The following PITRM1 variants were observed in gnomAD, a reference collection of about 807,000 sequenced individuals.
PITRM1 encodes the protein presequence protease, mitochondrial.
Under a neutral mutation model 129.9 loss-of-function variants are expected in PITRM1, and 100 were observed. The observed-to-expected ratio is 0.77, with a 90% CI of 0.65 to 0.91. The LOEUF is 0.91. PITRM1 is among the 40% of genes least tolerant of loss of function. The pLI is 0.00. For missense variants in PITRM1, 1,471 were observed against 1,318.3 expected, an observed-to-expected ratio of 1.12 and a Z score of -1.79; for synonymous variants, 591 against 508.8, an observed-to-expected ratio of 1.16 and a Z score of -2.17.
chr10:3,141,705 C>G (rs896697848), intron 23 of PITRM1: 1 of 468,410 alleles, frequency 2.1e-6, no homozygotes, highest in Admixed American at 2.4e-5. Context: ...TGAGATCAGC[C>G]CCAGGTCGCC....
In PITRM1 at chr10:3,157,081, C is replaced by T. The variant is rs114130274; in HGVS notation, c.1348-17G>A. 1.5e-3 allele frequency: 2,425 copies of T among 1,598,114 alleles called. 37 individuals are homozygous for T. The African/African-American group carries it at 0.029, about 19-fold the overall frequency. On this transcript the variant is annotated splice_polypyrimidine_tract_variant and intron_variant, in intron 12 of 26. Transcript: ENST00000224949. ...AGCTATGTACTGGAAGGAAGATTTC[C>T]ACATCCACAATGCAGCTGGTACCAC... is the stretch of plus-strand genomic sequence containing the variant.
Position 3,159,770 on chromosome 10 carries a change from A to C in PITRM1, c.1007+78T>G. The stretch of plus-strand genomic sequence containing the variant: ...TATATTAATTAACATTCAATTGTAG[A>C]ACTCACTTCCGAACCTTCTAATAGG... On this transcript the variant is annotated intron_variant, in intron 9 of 26. Coordinates refer to ENST00000224949, the MANE Select transcript of PITRM1 (RefSeq NM_014889.4). 4 of 799,634 alleles carry C rather than the reference A, an allele frequency of 5.0e-6. No individual in the cohort carries two copies. The South Asian group carries it at 6.2e-5, about 12-fold the overall frequency. The allele number at this position is 799,634 out of a possible 1,614,324, so 49.5% of individuals were successfully genotyped here.
intron 10 of PITRM1, among the ~76,000 whole-genome samples, chr10:3,158,548 T>TA (rs903405940): frequency 8.0e-5 from 12 of 150,110 alleles, no homozygotes; most frequent in South Asian, 2.1e-4. Flanking sequence ...AGACTCCATC[T>TA]AAAAAAAAAA....
intron 23 of PITRM1, 187 bp downstream of exon 23, chr10:3,143,202 C>A: frequency 8.4e-6 from 5 of 592,712 alleles, no homozygotes; most frequent in Non-Finnish European, 1.5e-5. Context: ...GGCTCTAAAA[C>A]TGGGTCTCTG....
At position 3,149,670 on chromosome 10, in the gene PITRM1, G is replaced by A. The variant is rs1199658411; in HGVS notation, c.1822C>T (p.Pro608Ser). ...GGCACATAGGGCCTCAGCTCCTCGG[G>A]GAGTGTGTTCAGGCTGGAGAAGGCC... is the stretch of plus-strand genomic sequence containing the variant. ...FRAFSSLNTL[P>S]EELRPYVPLF... Residue 608 changes from proline to serine, a missense_variant, in exon 16 of 27, where the codon CCC becomes TCC. Pro to Ser is a moderately conservative substitution (Grantham distance 74). Coordinates refer to ENST00000224949, the MANE Select transcript of PITRM1 (RefSeq NM_014889.4). 6.2e-7 allele frequency: 1 copy of A among 1,605,594 alleles called. No homozygotes were observed. The highest frequency in any genetic ancestry group is 8.5e-7 in the Non-Finnish European group (1 of 1,177,024).
intron 13 of PITRM1, among the ~76,000 whole-genome samples, chr10:3,156,700 T>C (rs1422698916): frequency 6.6e-6 from 1 of 152,210 alleles, no homozygotes; most frequent in African/African-American, 2.4e-5. Context: ...CACACAAACA[T>C]ACATATATTC....
At chr10:3,170,887 C>T (rs1485071479) in intron 1 of PITRM1, among the ~76,000 whole-genome samples, 6 of 151,714 alleles carry the variant, frequency 4.0e-5, no homozygotes, top group Admixed American at 6.6e-5. Flanking sequence ...CGCTTGAACC[C>T]GGGAAGTGGA....
chr10:3,152,543 G>A (rs1272059665), intron 14 of PITRM1, among the ~76,000 whole-genome samples: 1 of 152,196 alleles, frequency 6.6e-6, no homozygotes, highest in Non-Finnish European at 1.5e-5. Flanking sequence ...GTGGGCTCCA[G>A]CCCTTCTGTC....
chr10:3,140,650 G>C, intron 24 of PITRM1, 37 bp downstream of exon 24: 2 of 1,562,390 alleles, frequency 1.3e-6, no homozygotes, highest in South Asian at 2.3e-5. Flanking sequence ...CTAAAACGAC[G>C]TGTGCATCCC....
chr10:3,168,369 A>G (rs1340911678), intron 2 of PITRM1, among the ~76,000 whole-genome samples: 2 of 152,214 alleles, frequency 1.3e-5, no homozygotes, highest in East Asian at 3.9e-4. Context: ...TTTAATAATA[A>G]TAGCTTTCAT....
At chr10:3,171,147 T>TAAAA (rs1169315061) in intron 1 of PITRM1, among the ~76,000 whole-genome samples, 7 of 49,202 alleles carry the variant, frequency 1.4e-4, no homozygotes, top group South Asian at 7.3e-4. Context: ...ATCGTTCAAT[T>TAAAA]AAAAAAAAAA....
chr10:3,138,116 C>G lies in PITRM1; in HGVS notation c.3029G>C (p.Gly1010Ala), dbSNP rs779437258. The change falls in exon 27 of 27, where the codon GGC becomes GCC. Residue 1010 changes from glycine to alanine, a missense_variant. By Grantham distance (60) the Gly-to-Ala change is moderately conservative. Coordinates refer to ENST00000224949, the MANE Select transcript of PITRM1 (RefSeq NM_014889.4). ...KLLAVSDRYL[G>A]TGKSTHGLAI... The stretch of plus-strand genomic sequence containing the variant: ...CAGGCCGTGTGTGCTCTTCCCAGTG[C>G]CGAGGTATCTGAGAGGAAGGCAGGC... The G allele has an allele frequency of 6.2e-7, 1 of 1,608,420 alleles. No homozygotes were observed. The highest frequency in any genetic ancestry group is 1.3e-5 in the African/African-American group (1 of 74,910).
At chr10:3,143,277 A>G in intron 23 of PITRM1, 112 bp downstream of exon 23, 2 of 683,198 alleles carry the variant, frequency 2.9e-6, no homozygotes, top group South Asian at 1.7e-5. Flanking sequence ...TCCAACACTC[A>G]GAGTCAGCAC....
chr10:3,165,600 T>C, intron 4 of PITRM1, 73 bp from the exon 5 acceptor site: 1 of 907,232 alleles, frequency 1.1e-6, no homozygotes, highest in Non-Finnish European at 1.8e-6. Flanking sequence ...TCAAGACTCA[T>C]TCCCCCTTTG....
In PITRM1 at chr10:3,159,860, A is replaced by G. The variant is rs754296859; in HGVS notation, c.995T>C (p.Phe332Ser). ...AGCATATACTTACTCCGGTAAGAGG[A>G]AGCTAACGCTGATGGTTGTTTGTTT... ...PSKQTTISVS[F>S]LLPDITDTFE... The change falls in exon 9 of 27, where the codon TTC becomes TCC. Residue 332 changes from phenylalanine to serine, a missense_variant. Physicochemically the swap from Phe to Ser is radical, Grantham distance 155 (BLOSUM62 -2). Transcript: ENST00000224949. 6.3e-7 allele frequency: 1 copy of G among 1,595,162 alleles called. No individual in the cohort carries two copies.
chr10:3,170,312 A>C, intron 1 of PITRM1, 106 bp from the exon 2 acceptor site: 1 of 776,724 alleles, frequency 1.3e-6, no homozygotes, highest in Non-Finnish European at 2.1e-6. Context: ...ATTATTAAAG[A>C]AAAATTAAAT....
chr10:3,149,787 T>TG, intron 15 of PITRM1, 34 bp from the exon 16 acceptor site: 1 of 1,611,274 alleles, frequency 6.2e-7, no homozygotes, highest in South Asian at 1.1e-5. Context: ...TTTTTATTGC[T>TG]GCCAGTAAAA....
intron 23 of PITRM1, among the ~76,000 whole-genome samples, chr10:3,142,558 C>T (rs1256155357): frequency 1.3e-5 from 2 of 152,272 alleles, no homozygotes; most frequent in Non-Finnish European, 2.9e-5. Flanking sequence ...GTGAGTCTGT[C>T]CTGGTCTGGC....
intron 20 of PITRM1, 81 bp downstream of exon 20, chr10:3,147,069 G>T: frequency 2.7e-6 from 2 of 734,578 alleles, no homozygotes; most frequent in Non-Finnish European, 4.5e-6. Flanking sequence ...CTATCTTGAA[G>T]TTTCTACAAG....
Sources: allele counts gnomAD v4.1 joint callset (sites outside exome capture counted in the v4.1 genomes callset), GRCh38; gene constraint gnomAD v4.1.1; transcripts MANE v1.5; gene names NCBI Gene and HGNC (gene_info 2026-07-23, HGNC 2026-07-21).